The following SLC7A14 variants were observed in gnomAD, a reference collection of about 807,000 sequenced individuals.
The protein encoded by SLC7A14 is gamma-aminobutyric acid transporter SLC7A14.
SLC7A14 carries 37 observed loss-of-function variants against 60.2 expected under a neutral mutation model. The observed-to-expected ratio is 0.61, with a 90% CI of 0.47 to 0.81. The LOEUF is 0.81. SLC7A14 is among the 30% of genes least tolerant of loss of function. The pLI is 0.00. For synonymous variants in SLC7A14, 399 were observed against 395.8 expected, an observed-to-expected ratio of 1.01 and a Z score of -0.10; for missense variants, 886 against 982.7, an observed-to-expected ratio of 0.90 and a Z score of 1.32.
chr3:170,494,217 G>A (rs1419156895), intron 4 of SLC7A14, among the ~76,000 whole-genome samples: 2 of 152,210 alleles, frequency 1.3e-5, no homozygotes, highest in African/African-American at 4.8e-5. Flanking sequence ...TGTAAAAGTG[G>A]AGAGCTCTGT....
chr3:170,518,681 A>C (rs1713244777), intron 2 of SLC7A14, among the ~76,000 whole-genome samples: 1 of 152,222 alleles, frequency 6.6e-6, no homozygotes, highest in South Asian at 2.1e-4. Flanking sequence ...ATCTCAATAA[A>C]TTATTTTGGT....
rs1321997538 is a variant in SLC7A14, at chr3:170,585,202, G to T, written c.-153+709C>A. On this transcript the variant is annotated intron_variant, in intron 1 of 7. Transcript: ENST00000231706. The surrounding 1 kb of genome is among the most constrained non-coding windows in gnomAD (Gnocchi z 5.1). ...GAGACTGAGGGTTGAAGCAGTGCAG[G>T]AGAGCTCCCCTTGCTGGGGCTGCCG... Among the ~76,000 whole-genome samples the T allele has an allele frequency of 6.6e-6, 1 of 152,110 alleles. No homozygotes were observed. Among genetic ancestry groups the T allele is most frequent in the Non-Finnish European group, 1.5e-5 (1 of 68,000 alleles).
chr3:170,579,531 T>C (rs1450980502), intron 1 of SLC7A14, among the ~76,000 whole-genome samples: 1 of 152,264 alleles, frequency 6.6e-6, no homozygotes, highest in Non-Finnish European at 1.5e-5. Flanking sequence ...AATCAGTTAA[T>C]TCTAGGCGTT....
intron 2 of SLC7A14, among the ~76,000 whole-genome samples, chr3:170,508,812 G>A: frequency 6.6e-6 from 1 of 152,300 alleles, no homozygotes; most frequent in Middle Eastern, 3.4e-3. Context: ...GGGGAGTGGG[G>A]TATGAAGAGA....
At chr3:170,581,072 C>A (rs1715221890) in intron 1 of SLC7A14, among the ~76,000 whole-genome samples, 2 of 152,242 alleles carry the variant, frequency 1.3e-5, no homozygotes, top group Non-Finnish European at 2.9e-5. Context: ...ATGACCCCAA[C>A]AGATTTCAAC....
At chr3:170,558,416 T>G (rs981088436) in intron 1 of SLC7A14, among the ~76,000 whole-genome samples, 2 of 152,036 alleles carry the variant, frequency 1.3e-5, no homozygotes, top group Non-Finnish European at 2.9e-5. Flanking sequence ...ATAAATAAAG[T>G]CAGTGGATCA....
At position 170,460,490 on chromosome 3, in the gene SLC7A14, C is replaced by T. The variant is rs1276181407; in HGVS notation, c.*6565G>A. 3 of 152,164 alleles carry T rather than the reference C, an allele frequency of 2.0e-5. No homozygotes were observed. The highest frequency in any genetic ancestry group is 2.9e-5 in the Non-Finnish European group (2 of 68,032). 9.4% of individuals were successfully genotyped at this position (152,164 alleles called of 1,614,324 possible). On this transcript the variant is annotated 3_prime_UTR_variant, in exon 8 of 8. Coordinates refer to ENST00000231706, the MANE Select transcript of SLC7A14 (RefSeq NM_020949.3). ...GTTTATGATTTCTAGGGTAAATCCT[C>T]GCCTTTGGGAGTGTGAATGAGACAA...
Position 170,467,023 on chromosome 3 carries a change from C to A in SLC7A14, c.*32G>T. The A allele has an allele frequency of 2.0e-6, 3 of 1,531,982 alleles. No individual in the cohort carries two copies. The South Asian group carries it at 3.8e-5, about 19-fold the overall frequency. 94.9% of individuals were successfully genotyped at this position (1,531,982 alleles called of 1,614,324 possible). A position where few individuals can be genotyped will look rare whatever the true frequency, so the allele number is the denominator to read the frequency against. ...ACAGGTTAAGTTACTGAAAATCAGT[C>A]ATCACCATTTCTACCCACTTGTGTG... On this transcript the variant is annotated 3_prime_UTR_variant, in exon 8 of 8. Coordinates refer to ENST00000231706, the MANE Select transcript of SLC7A14 (RefSeq NM_020949.3).
At chr3:170,519,744 C>T (rs1713287339) in intron 2 of SLC7A14, among the ~76,000 whole-genome samples, 1 of 152,188 alleles carries the variant, frequency 6.6e-6, no homozygotes, top group Admixed American at 6.5e-5. Flanking sequence ...CCACTGCACT[C>T]CAGCCTGGGC....
At chr3:170,570,919 G>A (rs1371787035) in intron 1 of SLC7A14, among the ~76,000 whole-genome samples, 1 of 152,092 alleles carries the variant, frequency 6.6e-6, no homozygotes, top group East Asian at 1.9e-4. Context: ...TGAGGTCTGG[G>A]CTTTTAGTGC....
At chr3:170,556,341 C>T (rs1714485428) in intron 1 of SLC7A14, among the ~76,000 whole-genome samples, 2 of 152,190 alleles carry the variant, frequency 1.3e-5, no homozygotes, top group African/African-American at 4.8e-5. Context: ...TGTCCAGAGG[C>T]AATATGGCAA....
At chr3:170,560,203 T>G (rs997841484) in intron 1 of SLC7A14, among the ~76,000 whole-genome samples, 4 of 152,160 alleles carry the variant, frequency 2.6e-5, no homozygotes, top group Non-Finnish European at 4.4e-5. Flanking sequence ...TTCTTAAGTT[T>G]AGAATTCTGT....
Position 170,481,081 on chromosome 3 carries a change from A to G in SLC7A14, c.1201T>C (p.Leu401=). The change falls in exon 7 of 8, where the codon TTG becomes CTG. Residue 401 remains leucine, a synonymous_variant. Coordinates refer to ENST00000231706, the MANE Select transcript of SLC7A14 (RefSeq NM_020949.3). ...SGFLAALLAL[L]VSLRDLIEMM... ...TCTATCAGGTCTCTCAAGCTGACCAACAGTGCGAGGAGCGCTGCCAGGAAC... is the reference window on the plus strand; with the variant it reads ...TCTATCAGGTCTCTCAAGCTGACCAGCAGTGCGAGGAGCGCTGCCAGGAAC... 1 of 1,614,146 alleles carries G rather than the reference A, an allele frequency of 6.2e-7. No individual in the cohort carries two copies. The highest frequency in any genetic ancestry group is 8.5e-7 in the Non-Finnish European group (1 of 1,180,012).
chr3:170,568,623 T>G (rs1294701129), intron 1 of SLC7A14, among the ~76,000 whole-genome samples: 2 of 152,228 alleles, frequency 1.3e-5, no homozygotes, highest in African/African-American at 4.8e-5. Flanking sequence ...TTCACGATAT[T>G]AATTCTTTCT....
Position 170,486,309 on chromosome 3 carries a change from G to T in SLC7A14, c.819C>A (p.Thr273=). The T allele has an allele frequency of 9.3e-6, 15 of 1,614,208 alleles. No individual in the cohort carries two copies. Among genetic ancestry groups the T allele is most frequent in the Non-Finnish European group, 1.3e-5 (15 of 1,180,032 alleles). ...YAFIGFDIIA[T]TGEEAKNPNT... ...TGGGATTCTTGGCTTCCTCTCCAGTGGTGGCGATGATGTCAAAGCCAATGA... is the reference window on the plus strand; with the variant it reads ...TGGGATTCTTGGCTTCCTCTCCAGTTGTGGCGATGATGTCAAAGCCAATGA... Residue 273 remains threonine, a synonymous_variant, in exon 5 of 8, where the codon ACC becomes ACA. Transcript: ENST00000231706.
At chr3:170,527,296 T>A (rs750507709) in intron 1 of SLC7A14, among the ~76,000 whole-genome samples, 2 of 152,194 alleles carry the variant, frequency 1.3e-5, no homozygotes, top group Non-Finnish European at 2.9e-5. Context: ...TGCACAGTCA[T>A]CCTGATGAGG....
intron 1 of SLC7A14, among the ~76,000 whole-genome samples, chr3:170,569,922 T>C (rs1714897705): frequency 6.6e-6 from 1 of 152,222 alleles, no homozygotes; most frequent in Non-Finnish European, 1.5e-5. Context: ...TTAGTCTTGC[T>C]AGCGGTCTAT....
intron 1 of SLC7A14, among the ~76,000 whole-genome samples, chr3:170,571,548 T>C (rs80046999): frequency 0.058 from 8,818 of 152,294 alleles, 353 homozygotes; most frequent in Middle Eastern, 0.14. Context: ...ATCTTCCACA[T>C]ACCTGAGGCA....
At chr3:170,515,450 A>G (rs1713126857) in intron 2 of SLC7A14, among the ~76,000 whole-genome samples, 2 of 152,230 alleles carry the variant, frequency 1.3e-5, no homozygotes, top group African/African-American at 4.8e-5. Flanking sequence ...TGAAGGATCC[A>G]TATCTTGGCA....
Sources: allele counts gnomAD v4.1 joint callset (sites outside exome capture counted in the v4.1 genomes callset), GRCh38; gene constraint gnomAD v4.1.1; non-coding constraint Gnocchi (gnomAD v3.1); transcripts MANE v1.5; gene names NCBI Gene and HGNC (gene_info 2026-07-23, HGNC 2026-07-21).